Variants in CDH18 observed in about 807,000 individuals in gnomAD.
The protein encoded by CDH18 is cadherin 18.
A neutral mutation model predicts 67.9 loss-of-function variants in CDH18; 31 were observed. The ratio of observed to expected loss-of-function variants is 0.46; its 90% CI spans 0.34 to 0.62. The LOEUF is 0.62. Among genes scored for constraint, CDH18 ranks in the 20% least tolerant of loss-of-function variants. The pLI is 0.01. For synonymous variants in CDH18, 362 were observed against 347.2 expected, an observed-to-expected ratio of 1.04 and a Z score of -0.48; for missense variants, 890 against 975.5, an observed-to-expected ratio of 0.91 and a Z score of 1.17.
chr5:19,926,812 A>G (rs1793144239), intron 2 of CDH18, among the ~76,000 whole-genome samples: 1 of 152,046 alleles, frequency 6.6e-6, no homozygotes, highest in African/African-American at 2.4e-5. Context: ...TCACAATTTC[A>G]TGCCTAGAAA....
rs191356387 is a variant in CDH18 at position 19,686,699 on chromosome 5, G to A, written c.643+34648C>T. 3.3e-5 allele frequency among the ~76,000 whole-genome samples: 5 copies of A among 152,114 alleles called. No homozygotes were observed. The East Asian group carries it at 7.8e-4, about 24-fold the overall frequency. The stretch of plus-strand genomic sequence containing the variant: ...AACTGTGGAACACATTGTGTTTTCA[G>A]AACAAGATTTACAGCTGAACTCATT... On this transcript the variant is annotated intron_variant, in intron 5 of 12. Transcript: ENST00000382275.
At chr5:19,584,995 C>CAAA (rs34553605) in intron 7 of CDH18, among the ~76,000 whole-genome samples, 48 of 142,052 alleles carry the variant, frequency 3.4e-4, no homozygotes, top group East Asian at 2.1e-3. Context: ...ACTCTATCTC[C>CAAA]AAAAAAAAAA....
At chr5:20,468,618 T>C (rs1205133428) in intron 1 of CDH18, among the ~76,000 whole-genome samples, 1 of 152,158 alleles carries the variant, frequency 6.6e-6, no homozygotes, top group East Asian at 1.9e-4. Context: ...TTCTCCTTTG[T>C]AAAGTATTTT....
rs1740292022 is a variant in CDH18 at position 20,040,195 on chromosome 5, AAAC to A, written c.-517-48184_-517-48182del. ...GAATGGCAATCATTAAAAAGTCAGG[AAAC>A]AACAAATGCTGGAGACCATGGCACA... On this transcript the variant is annotated intron_variant, in intron 2 of 14. Transcript: ENST00000507958. Among the ~76,000 whole-genome samples the A allele has an allele frequency of 2.0e-5, 3 of 152,138 alleles. No individual in the cohort carries two copies. In the South Asian group the frequency reaches 6.2e-4, roughly 31 times the overall value.
Position 19,483,363 on chromosome 5 carries a change from G to T in CDH18, c.1820C>A (p.Ser607Tyr). ...VRTCHAEAFL[S>Y]SAGLSTGALI... is the part of the protein sequence containing the mutation. Reference sequence around the variant, plus strand: ...GGCTCCTGTACTCAAACCAGCCGAGGACAGGAAGGCTTCTGCATGGCAGGT... The same window carrying T: ...GGCTCCTGTACTCAAACCAGCCGAGTACAGGAAGGCTTCTGCATGGCAGGT... The change falls in exon 12 of 13, where the codon TCC becomes TAC. Residue 607 changes from serine (S) to tyrosine (Y), a missense_variant. This residue lies in a region of CDH18 where 656 missense variants were observed against 668.1 expected (regional missense o/e 0.98). Coordinates refer to ENST00000382275, the MANE Select transcript of CDH18 (RefSeq NM_004934.5). 2.5e-6 allele frequency: 4 copies of T among 1,613,956 alleles called. No individual in the cohort carries two copies. The highest frequency in any genetic ancestry group is 3.4e-6 in the Non-Finnish European group (4 of 1,179,866).
intron 5 of CDH18, among the ~76,000 whole-genome samples, chr5:19,695,419 G>A (rs977072816): frequency 6.6e-6 from 1 of 152,150 alleles, no homozygotes; most frequent in African/African-American, 2.4e-5. Context: ...TACCCAGAAA[G>A]GGACCAAATG....
At chr5:20,004,671 CA>C (rs1736743359) in intron 2 of CDH18, among the ~76,000 whole-genome samples, 1 of 152,154 alleles carries the variant, frequency 6.6e-6, no homozygotes, top group South Asian at 2.1e-4. Context: ...TAAAAGATGT[CA>C]AACCTTTATA....
intron 3 of CDH18, among the ~76,000 whole-genome samples, chr5:19,799,333 T>C (rs1478889460): frequency 6.6e-6 from 1 of 152,054 alleles, no homozygotes; most frequent in African/African-American, 2.4e-5. Flanking sequence ...AAGATAAATA[T>C]GTTCTGGAGA....
At chr5:19,938,577 T>A (rs1794515433) in intron 2 of CDH18, among the ~76,000 whole-genome samples, 1 of 151,546 alleles carries the variant, frequency 6.6e-6, no homozygotes, top group African/African-American at 2.4e-5. Flanking sequence ...ATTCTTCTTA[T>A]TCATATTTTC....
upstream of CDH18, among the ~76,000 whole-genome samples, chr5:19,992,208 A>G (rs1307501439): frequency 6.6e-6 from 1 of 152,164 alleles, no homozygotes; most frequent in Admixed American, 6.6e-5. Flanking sequence ...CAATGCATGT[A>G]TAATATCAAA....
intron 1 of CDH18, among the ~76,000 whole-genome samples, chr5:20,386,958 C>T (rs576598848): frequency 3.9e-5 from 6 of 152,078 alleles, no homozygotes; most frequent in Non-Finnish European, 8.8e-5. Flanking sequence ...ATTTTGGTAT[C>T]TCAGAAGTTC....
chr5:19,996,095 T>G (rs906858404), intron 2 of CDH18, among the ~76,000 whole-genome samples: 2 of 152,090 alleles, frequency 1.3e-5, no homozygotes, highest in Non-Finnish European at 2.9e-5. Context: ...GAACTTAAGG[T>G]TGACCAAATC....
At chr5:19,551,827 T>C (rs535663926) in intron 8 of CDH18, among the ~76,000 whole-genome samples, 5 of 152,278 alleles carry the variant, frequency 3.3e-5, no homozygotes, top group Admixed American at 6.5e-5. Flanking sequence ...CTTCAGCCTG[T>C]TTCTGAAAAT....
Position 19,510,783 on chromosome 5 carries a change from C to G in CDH18, c.1513-7674G>C, listed in dbSNP as rs180694284. Among the ~76,000 whole-genome samples the G allele has an allele frequency of 7.3e-5, 11 of 151,406 alleles. No individual in the cohort carries two copies. The East Asian group carries it at 2.2e-3, about 30-fold the overall frequency. Reference sequence around the variant, plus strand: ...GAGGGTGGCTTTCCCCTATGCTGTTCTCCTGTTAGTGAGTTCTCAGGAGAT... The same window carrying G: ...GAGGGTGGCTTTCCCCTATGCTGTTGTCCTGTTAGTGAGTTCTCAGGAGAT... On this transcript the variant is annotated intron_variant, in intron 10 of 12. Transcript: ENST00000382275.
intron 3 of CDH18, among the ~76,000 whole-genome samples, chr5:19,833,771 G>A (rs1426157609): frequency 2.0e-5 from 3 of 152,072 alleles, no homozygotes; most frequent in Non-Finnish European, 4.4e-5. Context: ...TCCATCTATT[G>A]AGATAATCAT....
chr5:20,505,639 C>A (rs182081940), intron 1 of CDH18, among the ~76,000 whole-genome samples: 11 of 152,180 alleles, frequency 7.2e-5, no homozygotes, highest in Non-Finnish European at 1.6e-4. Context: ...ACACATTTTA[C>A]AAATACAACA....
At chr5:20,407,469 A>C (rs1746374805) in intron 1 of CDH18, among the ~76,000 whole-genome samples, 1 of 141,950 alleles carries the variant, frequency 7.0e-6, no homozygotes, top group African/African-American at 2.6e-5. Flanking sequence ...GAGGTGATAG[A>C]TTTTTCTAAT....
chr5:20,367,056 A>T (rs1449990520), intron 1 of CDH18, among the ~76,000 whole-genome samples: 1 of 152,110 alleles, frequency 6.6e-6, no homozygotes, highest in Non-Finnish European at 1.5e-5. Flanking sequence ...AGCCACTTCT[A>T]ACCAGCTTCT....
At chr5:19,530,848 C>G (rs181783600) in intron 9 of CDH18, among the ~76,000 whole-genome samples, 4 of 152,036 alleles carry the variant, frequency 2.6e-5, no homozygotes, top group African/African-American at 4.8e-5. Flanking sequence ...GGACATTTGG[C>G]TTGGTTCCAA....
Sources: gnomAD v4.1 joint callset for allele counts (sites outside exome capture counted in the v4.1 genomes callset) on GRCh38, gnomAD v4.1.1 for gene constraint, gnomAD v4.1.1 regional missense constraint, MANE v1.5 for transcripts, NCBI Gene and HGNC (gene_info 2026-07-23, HGNC 2026-07-21) for gene names.